Variants in EGFLAM observed in about 807,000 individuals in gnomAD.
EGFLAM encodes the protein pikachurin.
Under a neutral mutation model 113.1 loss-of-function variants are expected in EGFLAM, and 79 were observed. That is an observed-to-expected ratio of 0.70 (90% CI 0.58 to 0.84). EGFLAM has a LOEUF of 0.84. Among genes scored for constraint, EGFLAM ranks in the 40% least tolerant of loss-of-function variants. The pLI is 0.00. For missense variants in EGFLAM, 1,265 were observed against 1,291.6 expected, an observed-to-expected ratio of 0.98 and a Z score of 0.32; for synonymous variants, 504 against 487.6, an observed-to-expected ratio of 1.03 and a Z score of -0.44.
intron 6 of EGFLAM, among the ~76,000 whole-genome samples, chr5:38,399,374 C>T (rs1026923514): frequency 6.6e-6 from 1 of 151,034 alleles, no homozygotes; most frequent in African/African-American, 2.4e-5. Context: ...GCCTCCCAGG[C>T]TCAAGCGATC....
intron 17 of EGFLAM, among the ~76,000 whole-genome samples, chr5:38,443,116 A>G (rs1304607521): frequency 6.6e-6 from 1 of 151,896 alleles, no homozygotes; most frequent in Non-Finnish European, 1.5e-5. Context: ...AAATGCAAAA[A>G]TTAGCCAGGT....
In EGFLAM at chr5:38,258,573, A is replaced by G. The variant is rs1199435639; in HGVS notation, c.-182A>G. ...CAGCCGGCTTCACTCGCGCACGCCG[A>G]CCTCCCGGCTGCAGTCCTACCTCTT... On this transcript the variant is annotated 5_prime_UTR_variant, in exon 1 of 22. Transcript: ENST00000322350. The G allele has an allele frequency of 4.9e-6, 3 of 614,118 alleles. No individual in the cohort carries two copies. The highest frequency in any genetic ancestry group is 8.4e-6 in the Non-Finnish European group (3 of 355,754). The allele number at this position is 614,118 out of a possible 1,614,324, so 38.0% of individuals were successfully genotyped here.
intron 4 of EGFLAM, among the ~76,000 whole-genome samples, chr5:38,351,906 G>T (rs1739635509): frequency 6.6e-6 from 1 of 152,160 alleles, no homozygotes; most frequent in Non-Finnish European, 1.5e-5. Flanking sequence ...CAGTGGCTGG[G>T]ACATAATTAA....
At chr5:38,438,485 C>G (rs771634554) in intron 17 of EGFLAM, 30 bp downstream of exon 17, 54 of 1,535,678 alleles carry the variant, frequency 3.5e-5, no homozygotes, top group Admixed American at 1.2e-4. Context: ...GCACAGCTCC[C>G]TGGAGGGAGT....
intron 1 of EGFLAM, among the ~76,000 whole-genome samples, chr5:38,317,063 AC>A (rs1738615768): frequency 6.6e-6 from 1 of 152,160 alleles, no homozygotes; most frequent in African/African-American, 2.4e-5. Flanking sequence ...AGTCAGAGAG[AC>A]CCACGGTCAA....
chr5:38,315,666 C>A (rs537167243), intron 1 of EGFLAM, among the ~76,000 whole-genome samples: 1 of 152,322 alleles, frequency 6.6e-6, no homozygotes, highest in African/African-American at 2.4e-5. Flanking sequence ...GGATTCCTAG[C>A]TGTCACCTAT....
intron 1 of EGFLAM, among the ~76,000 whole-genome samples, chr5:38,308,786 G>C (rs925418139): frequency 3.9e-5 from 6 of 152,236 alleles, no homozygotes; most frequent in African/African-American, 1.4e-4. Context: ...GAAGAGCACT[G>C]TGGGAGAAGA....
intron 1 of EGFLAM, among the ~76,000 whole-genome samples, chr5:38,314,846 A>T (rs115748896): frequency 0.014 from 2,118 of 152,340 alleles, 49 homozygotes; most frequent in African/African-American, 0.046. Context: ...CAGTAAGCAC[A>T]TGCTTCACCA....
chr5:38,389,368 T>G (rs1475899020), intron 6 of EGFLAM, among the ~76,000 whole-genome samples: 1 of 152,198 alleles, frequency 6.6e-6, no homozygotes, highest in Non-Finnish European at 1.5e-5. Flanking sequence ...TTAATTATTT[T>G]TAGTTCAGAC....
intron 1 of EGFLAM, among the ~76,000 whole-genome samples, chr5:38,334,683 T>G (rs973460266): frequency 6.6e-6 from 1 of 152,228 alleles, no homozygotes; most frequent in African/African-American, 2.4e-5. Context: ...TGTGGCTTTT[T>G]AAACAAATTT....
At chr5:38,306,279 C>T (rs1758715837) in intron 1 of EGFLAM, among the ~76,000 whole-genome samples, 1 of 131,874 alleles carries the variant, frequency 7.6e-6, no homozygotes, top group Non-Finnish European at 1.6e-5. Context: ...TGAAGGGGCA[C>T]CAAATTGTTA....
At chr5:38,319,849 G>A (rs1269557745) in intron 1 of EGFLAM, among the ~76,000 whole-genome samples, 1 of 152,238 alleles carries the variant, frequency 6.6e-6, no homozygotes, top group Non-Finnish European at 1.5e-5. Flanking sequence ...GGCAGGAGCA[G>A]GGGCATGTCA....
chr5:38,420,508 T>G lies in EGFLAM; in HGVS notation c.1684+2253T>G, dbSNP rs142533981. 7.9e-3 allele frequency among the ~76,000 whole-genome samples: 1,203 copies of G among 152,278 alleles called. 24 individuals carry two copies. Among genetic ancestry groups the G allele is most frequent in the African/African-American group, 0.028 (1,151 of 41,558 alleles). ...GATTTGAAAAATTTTTGCAACTCAG[T>G]CTCCCCATCTAGAAATAGTAGCTGC... is the stretch of plus-strand genomic sequence containing the variant. On this transcript the variant is annotated intron_variant, in intron 12 of 21. Coordinates refer to ENST00000322350, the MANE Select transcript of EGFLAM (RefSeq NM_152403.4).
chr5:38,406,296 A>G (rs1741283133), intron 7 of EGFLAM, 55 bp downstream of exon 7: 2 of 1,509,950 alleles, frequency 1.3e-6, no homozygotes, highest in East Asian at 2.3e-5. Flanking sequence ...CTTGCCGAAC[A>G]AGACAATTTA....
Position 38,302,059 on chromosome 5 carries a change from G to A in EGFLAM, c.98-35461G>A, listed in dbSNP as rs148338887. On this transcript the variant is annotated intron_variant, in intron 1 of 21. Transcript: ENST00000322350. The stretch of plus-strand genomic sequence containing the variant: ...GTTTGAGACCAGCCTGGCCAACGTA[G>A]CGAAACCCCGTCTCTACTAAATACA... 4.0e-3 allele frequency among the ~76,000 whole-genome samples: 602 copies of A among 152,152 alleles called. 3 individuals are homozygous for A. The highest frequency in any genetic ancestry group is 0.014 in the African/African-American group (574 of 41,484).
At chr5:38,457,179 G>A (rs565958128) in intron 19 of EGFLAM, among the ~76,000 whole-genome samples, 5 of 152,090 alleles carry the variant, frequency 3.3e-5, no homozygotes, top group Non-Finnish European at 5.9e-5. Context: ...GTGATTTTAG[G>A]CAAATTCCCT....
intron 1 of EGFLAM, chr5:38,305,422 C>T (rs1381743462): frequency 2.2e-6 from 1 of 453,774 alleles, no homozygotes; most frequent in Admixed American, 2.4e-5. Context: ...TCCTTTACAT[C>T]TTTTCTCAGG....
intron 1 of EGFLAM, among the ~76,000 whole-genome samples, chr5:38,323,618 G>T (rs1240033375): frequency 6.6e-6 from 1 of 151,902 alleles, no homozygotes; most frequent in Admixed American, 6.6e-5. Context: ...GCTTAATATT[G>T]CTTGTCTCAC....
At chr5:38,353,319 T>C (rs1278394771) in intron 5 of EGFLAM, among the ~76,000 whole-genome samples, 1 of 152,234 alleles carries the variant, frequency 6.6e-6, no homozygotes, top group Non-Finnish European at 1.5e-5. Flanking sequence ...TGATTTTGAA[T>C]GGAAGCGGTG....
Sources: gnomAD v4.1 joint callset for allele counts (sites outside exome capture counted in the v4.1 genomes callset) on GRCh38, gnomAD v4.1.1 for gene constraint, MANE v1.5 for transcripts, NCBI Gene and HGNC (gene_info 2026-07-23, HGNC 2026-07-21) for gene names.